Variants in ATP7B observed in about 807,000 individuals in gnomAD.
ATP7B encodes copper-transporting ATPase 2.
In ATP7B, 113 loss-of-function variants were observed where a neutral mutation model predicts 118.9. The observed-to-expected ratio is 0.95, with a 90% CI of 0.82 to 1.11. The LOEUF (loss-of-function observed/expected upper bound fraction) is 1.11, where lower values mean the gene tolerates loss of function less well. Ranked by LOEUF, ATP7B falls within the 50% of genes most tolerant of loss-of-function variation. ATP7B has a pLI of 0.00. For missense variants in ATP7B, 1,867 were observed against 1,871.4 expected (o/e 1.00, Z 0.04); for synonymous variants, 777 against 727.4 (o/e 1.07, Z -1.10).
intron 9 of ATP7B, among the ~76,000 whole-genome samples, chr13:51,953,332 A>G (rs540487595): frequency 2.6e-4 from 39 of 152,294 alleles, no homozygotes; most frequent in African/African-American, 9.4e-4. Context: ...TAGAAATGAA[A>G]GACCCCAAGA....
In ATP7B at chr13:51,939,162, G is replaced by A. The variant is rs11840224; in HGVS notation, c.3588C>T (p.Asp1196=). The change falls in exon 17 of 21, where the codon GAC becomes GAT. Residue 1196 remains aspartate (D), a synonymous_variant. Transcript: ENST00000242839. ...CCAGGGCAGCCTCCTGCTTGACAGC[G>A]TCTGCGATTGCGATCATCCCACAGA... ...GVLCGMIAIA[D]AVKQEAALAV... 5.5e-4 allele frequency: 894 copies of A among 1,614,016 alleles called. 6 individuals are homozygous for A. In the African/African-American group the frequency reaches 9.6e-3, roughly 17 times the overall value.
intron 9 of ATP7B, among the ~76,000 whole-genome samples, chr13:51,956,572 G>T (rs1402759547): frequency 6.6e-6 from 1 of 152,198 alleles, no homozygotes; most frequent in African/African-American, 2.4e-5. Context: ...AGGAGCGGGA[G>T]GTGCCACGGA....
rs2138306168 is a variant in ATP7B at position 51,933,053 on chromosome 13, A to G, written c.*1703T>C. On this transcript the variant is annotated 3_prime_UTR_variant, in exon 21 of 21. Transcript: ENST00000242839. ...ATAAAACCCTGCAAAAACTATATGT[A>G]AAAAGTGAAACTAACCATCCAAGGT... The G allele has an allele frequency of 6.6e-6, 1 of 152,354 alleles. No homozygotes were observed. Among genetic ancestry groups the G allele is most frequent in the South Asian group, 2.1e-4 (1 of 4,830 alleles). The allele number at this position is 152,354 out of a possible 1,614,324, so 9.4% of individuals were successfully genotyped here.
chr13:51,946,951 G>A (rs1957703765), intron 12 of ATP7B, among the ~76,000 whole-genome samples: 1 of 152,174 alleles, frequency 6.6e-6, no homozygotes, highest in Non-Finnish European at 1.5e-5. Flanking sequence ...TCATCATTAG[G>A]AAAGCTTAAA....
chr13:51,955,468 C>T (rs2139416930), intron 9 of ATP7B, among the ~76,000 whole-genome samples: 1 of 152,322 alleles, frequency 6.6e-6, no homozygotes. Context: ...TGTCATGTTG[C>T]ATGGTAGTAG....
At chr13:51,972,460 T>C (rs1327711788) in intron 2 of ATP7B, among the ~76,000 whole-genome samples, 1 of 152,140 alleles carries the variant, frequency 6.6e-6, no homozygotes, top group East Asian at 1.9e-4. Context: ...GGCCCTTCTA[T>C]CCCACTGTCC....
intron 1 of ATP7B, chr13:51,975,542 A>C (rs779075593): frequency 1.9e-6 from 1 of 523,148 alleles, no homozygotes; most frequent in African/African-American, 1.9e-5. Flanking sequence ...CAGGTATCCC[A>C]AAAGAGGTCC....
chr13:51,956,347 A>G (rs1032312382), intron 9 of ATP7B, among the ~76,000 whole-genome samples: 4 of 152,218 alleles, frequency 2.6e-5, no homozygotes, highest in Non-Finnish European at 4.4e-5. Context: ...CCTCCAGGAC[A>G]CAGCTAGGGC....
intron 4 of ATP7B, chr13:51,967,097 AGT>A: frequency 1.3e-6 from 2 of 1,596,236 alleles, no homozygotes. Context: ...TTAGTGGTGG[AGT>A]GTGTCATGAA....
intron 1 of ATP7B, among the ~76,000 whole-genome samples, chr13:51,979,951 T>C (rs1179650845): frequency 6.6e-6 from 1 of 152,226 alleles, no homozygotes; most frequent in Non-Finnish European, 1.5e-5. Flanking sequence ...GCAAATAACA[T>C]ATCTCTACAA....
intron 9 of ATP7B, among the ~76,000 whole-genome samples, chr13:51,956,697 G>C (rs1022897203): frequency 6.6e-5 from 10 of 152,126 alleles, no homozygotes; most frequent in African/African-American, 2.2e-4. Context: ...GGTGGGACCA[G>C]GGAGAGATTT....
intron 13 of ATP7B, among the ~76,000 whole-genome samples, chr13:51,944,910 C>A (rs553018739): frequency 6.6e-5 from 10 of 152,322 alleles, no homozygotes; most frequent in Non-Finnish European, 1.3e-4. Flanking sequence ...ATGACCAGGG[C>A]CAGTCGAGCC....
chr13:51,993,120 C>T (rs1397723631), intron 1 of ATP7B, among the ~76,000 whole-genome samples: 1 of 150,936 alleles, frequency 6.6e-6, no homozygotes, highest in Non-Finnish European at 1.5e-5. Flanking sequence ...TAAAAATATA[C>T]ATTATGTAAA....
intron 1 of ATP7B, among the ~76,000 whole-genome samples, chr13:51,999,893 C>T (rs1003245257): frequency 6.6e-6 from 1 of 152,132 alleles, no homozygotes; most frequent in Non-Finnish European, 1.5e-5. Flanking sequence ...CCAGTGCCCA[C>T]CCCCATACTT....
At chr13:52,007,511 T>C (rs1235221923) in intron 1 of ATP7B, among the ~76,000 whole-genome samples, 3 of 152,228 alleles carry the variant, frequency 2.0e-5, no homozygotes. Context: ...TCATGTCTTC[T>C]GTACTGTTTC....
chr13:51,949,559 TGAATAATTAAAGCCCAGTGAATC>T, intron 12 of ATP7B, 80 bp downstream of exon 12: 1 of 1,513,824 alleles, frequency 6.6e-7, no homozygotes, highest in South Asian at 1.1e-5. Context: ...TAAAATGTAA[TGAATAATTAAAGCCCAGTGAATC>T]TAAGATATGA....
intron 1 of ATP7B, among the ~76,000 whole-genome samples, chr13:51,991,098 A>C (rs1428435691): frequency 6.7e-6 from 1 of 149,504 alleles, no homozygotes; most frequent in Non-Finnish European, 1.5e-5. Flanking sequence ...TATTTAAAGA[A>C]AAAAAAAAAA....
intron 13 of ATP7B, among the ~76,000 whole-genome samples, chr13:51,945,622 C>T (rs1957597836): frequency 6.6e-6 from 1 of 152,186 alleles, no homozygotes; most frequent in African/African-American, 2.4e-5. Context: ...CAAGCACCAC[C>T]AGTCAATACT....
At chr13:51,971,616 T>C (rs77412455) in intron 2 of ATP7B, among the ~76,000 whole-genome samples, 2,049 of 152,366 alleles carry the variant, frequency 0.013, 44 homozygotes, top group African/African-American at 0.046. Flanking sequence ...TTCTTACCTA[T>C]TGCGTACAGG....
Sources: gnomAD v4.1 joint callset for allele counts (sites outside exome capture counted in the v4.1 genomes callset) on GRCh38, gnomAD v4.1.1 for gene constraint, MANE v1.5 for transcripts, NCBI Gene and HGNC (gene_info 2026-07-23, HGNC 2026-07-21) for gene names.